Variants in TBC1D19 observed in about 807,000 individuals in gnomAD.
The protein encoded by TBC1D19 is TBC1 domain family, member 19.
TBC1D19 carries 60 observed loss-of-function variants against 89.0 expected under a neutral mutation model. The observed-to-expected ratio is 0.67, with a 90% CI of 0.55 to 0.84. The LOEUF is 0.84. Among genes scored for constraint, TBC1D19 ranks in the 40% least tolerant of loss-of-function variants. The pLI, the probability that TBC1D19 is intolerant of heterozygous loss-of-function variation, is 0.00. For synonymous variants in TBC1D19, 189 were observed against 199.7 expected (o/e 0.95, Z 0.45); for missense variants, 500 against 610.8 (o/e 0.82, Z 1.91).
intron 1 of TBC1D19, among the ~76,000 whole-genome samples, chr4:26,605,536 C>T (rs1740939672): frequency 6.6e-6 from 1 of 151,938 alleles, no homozygotes; most frequent in Non-Finnish European, 1.5e-5. Flanking sequence ...GTCTTTATAG[C>T]AGCATGATTT....
intron 7 of TBC1D19, among the ~76,000 whole-genome samples, chr4:26,654,321 T>C (rs1744629639): frequency 6.6e-6 from 1 of 152,188 alleles, no homozygotes; most frequent in South Asian, 2.1e-4. Context: ...TTCCTTCATT[T>C]CAACTTTGGT....
At position 26,614,408 on chromosome 4, in the gene TBC1D19, G is replaced by C; in HGVS notation, c.173G>C (p.Gly58Ala). Reference sequence around the variant, plus strand: ...ATTTTATTCTTTTTTTAAAAAACAGGTTGGGAGAAGAAACTTCAGAATGCT... The same window carrying C: ...ATTTTATTCTTTTTTTAAAAAACAGCTTGGGAGAAGAAACTTCAGAATGCT... ...EDIKEFFKIS[G>A]WEKKLQNAVY... is the part of the protein sequence containing the mutation. Residue 58 changes from glycine to alanine, a missense_variant and splice_region_variant, in exon 3 of 21, where the codon GGT becomes GCT. This residue lies in a region of TBC1D19 where 280 missense variants were observed against 291.7 expected (regional missense o/e 0.96). Transcript: ENST00000264866. 2 of 1,587,056 alleles carry C rather than the reference G, an allele frequency of 1.3e-6. No homozygotes were observed. The highest frequency in any genetic ancestry group is 1.7e-6 in the Non-Finnish European group (2 of 1,167,260).
chr4:26,712,010 TC>T (rs1173097722), intron 13 of TBC1D19, among the ~76,000 whole-genome samples: 1 of 152,058 alleles, frequency 6.6e-6, no homozygotes, highest in Non-Finnish European at 1.5e-5. Context: ...CAACAGGGAC[TC>T]TAGGGAGATA....
At chr4:26,757,019 AT>A (rs35758647), downstream of TBC1D19, among the ~76,000 whole-genome samples, 136,206 of 146,278 alleles carry the variant, frequency 0.93, 63,728 homozygotes, top group East Asian at 0.99. Context: ...TACCCATGCT[AT>A]TTTTTTTTTT....
chr4:26,600,038 A>G, intron 1 of TBC1D19, among the ~76,000 whole-genome samples: 1 of 147,594 alleles, frequency 6.8e-6, no homozygotes, highest in East Asian at 2.0e-4. Context: ...ATGTTATTTT[A>G]TGTTATCATG....
Position 26,672,206 on chromosome 4 carries a change from A to T in TBC1D19, c.703+19A>T. ...CAAAAAGGTAAGCTTTTAATTATAAATGTTATTATTTCTGAAAAGTGAGAC... is the reference window on the plus strand; with the variant it reads ...CAAAAAGGTAAGCTTTTAATTATAATTGTTATTATTTCTGAAAAGTGAGAC... On this transcript the variant is annotated intron_variant, in intron 10 of 20. Coordinates refer to ENST00000264866, the MANE Select transcript of TBC1D19 (RefSeq NM_018317.4). 2.3e-6 allele frequency: 3 copies of T among 1,321,922 alleles called. No individual in the cohort carries two copies. The highest frequency in any genetic ancestry group is 3.0e-6 in the Non-Finnish European group (3 of 1,000,328). 81.9% of individuals were successfully genotyped at this position (1,321,922 alleles called of 1,614,324 possible).
intron 7 of TBC1D19, among the ~76,000 whole-genome samples, chr4:26,642,300 C>G (rs1055648935): frequency 6.6e-6 from 1 of 152,202 alleles, no homozygotes; most frequent in Non-Finnish European, 1.5e-5. Context: ...AAAGAATTTT[C>G]AACCCAGAAT....
Position 26,754,942 on chromosome 4 carries a change from A to C in TBC1D19, c.1576A>C (p.Thr526Pro). ...LLQIFLFATVT is the reference protein window; with the variant it reads ...LLQIFLFATVP ...TCAGATTTTTCTGTTTGCTACTGTC[A>C]CCTGATCTTCTTCACAGTCACTGGC... The change falls in exon 21 of 21, where the codon ACC (threonine) becomes CCC (proline). Residue 526 changes from threonine to proline, a missense_variant. Physicochemically the swap from Thr to Pro is conservative, Grantham distance 38. This residue lies in a region of TBC1D19 where 220 missense variants were observed against 319.1 expected (regional missense o/e 0.69). Coordinates refer to ENST00000264866, the MANE Select transcript of TBC1D19 (RefSeq NM_018317.4). 6.2e-7 allele frequency: 1 copy of C among 1,605,516 alleles called. No homozygotes were observed. The highest frequency in any genetic ancestry group is 8.5e-7 in the Non-Finnish European group (1 of 1,177,262).
At chr4:26,759,392 G>A (rs547162697), downstream of TBC1D19, among the ~76,000 whole-genome samples, 1 of 151,942 alleles carries the variant, frequency 6.6e-6, no homozygotes, top group African/African-American at 2.4e-5. Flanking sequence ...TATTTTCAGA[G>A]GAAAAAATGA....
chr4:26,713,098 TTTC>T (rs1297865497), intron 13 of TBC1D19, among the ~76,000 whole-genome samples: 6 of 151,448 alleles, frequency 4.0e-5, no homozygotes, highest in African/African-American at 1.5e-4. Flanking sequence ...CCTAATGGTT[TTTC>T]TTAATTATTG....
intron 4 of TBC1D19, among the ~76,000 whole-genome samples, chr4:26,633,525 C>A (rs1289532305): frequency 6.6e-6 from 1 of 152,134 alleles, no homozygotes; most frequent in African/African-American, 2.4e-5. Context: ...TGTTTTAAAA[C>A]CAAAAGCCTG....
At chr4:26,735,568 A>T (rs1717995306) in intron 16 of TBC1D19, 81 bp downstream of exon 16, 8 of 1,273,452 alleles carry the variant, frequency 6.3e-6, no homozygotes, top group Non-Finnish European at 8.5e-6. Context: ...TGACTGACAG[A>T]TATAATTGTT....
At chr4:26,830,190 T>A in the TBC1D19 span, among the ~76,000 whole-genome samples, 1 of 152,192 alleles carries the variant, frequency 6.6e-6, no homozygotes, top group Non-Finnish European at 1.5e-5. Flanking sequence ...TGACTGGCAC[T>A]TGCAAATTAC....
downstream of TBC1D19, among the ~76,000 whole-genome samples, chr4:26,756,839 C>T (rs1353270647): frequency 6.6e-6 from 1 of 152,118 alleles, no homozygotes; most frequent in Non-Finnish European, 1.5e-5. Flanking sequence ...CATGCCATAG[C>T]AGATCCTTTC....
At chr4:26,677,210 A>G (rs1340921793) in intron 11 of TBC1D19, among the ~76,000 whole-genome samples, 1 of 152,068 alleles carries the variant, frequency 6.6e-6, no homozygotes, top group Non-Finnish European at 1.5e-5. Flanking sequence ...TTAACTCCTA[A>G]ACATGTTTCA....
At chr4:26,707,549 A>G (rs771718525) in intron 13 of TBC1D19, among the ~76,000 whole-genome samples, 1 of 151,536 alleles carries the variant, frequency 6.6e-6, no homozygotes, top group Non-Finnish European at 1.5e-5. Context: ...TGATGAGGAG[A>G]TATTTCTCTC....
intron 2 of TBC1D19, 67 bp downstream of exon 2, chr4:26,613,308 A>C: frequency 9.7e-7 from 1 of 1,033,800 alleles, no homozygotes; most frequent in Non-Finnish European, 1.4e-6. Context: ...CTAATTCTTT[A>C]AGCCCTCAAG....
chr4:26,756,441 G>A (rs1322964180), downstream of TBC1D19, among the ~76,000 whole-genome samples: 1 of 152,090 alleles, frequency 6.6e-6, no homozygotes, highest in Admixed American at 6.6e-5. Flanking sequence ...AAGAGGCAAC[G>A]TAATAGTCTA....
chr4:26,851,827 C>A, the TBC1D19 span, among the ~76,000 whole-genome samples: 1 of 152,236 alleles, frequency 6.6e-6, no homozygotes, highest in African/African-American at 2.4e-5. Flanking sequence ...AATGATTCTC[C>A]TGCCTCAGCC....
Sources: allele counts gnomAD v4.1 joint callset (sites outside exome capture counted in the v4.1 genomes callset), GRCh38; gene constraint gnomAD v4.1.1; regional missense constraint gnomAD v4.1.1; transcripts MANE v1.5; gene names NCBI Gene and HGNC (gene_info 2026-07-23, HGNC 2026-07-21).